Variants in SYNPO2 observed in about 807,000 individuals in gnomAD.
The protein encoded by SYNPO2 is synaptopodin-2.
SYNPO2 carries 56 observed loss-of-function variants against 85.0 expected under a neutral mutation model. The observed-to-expected ratio is 0.66, with a 90% CI of 0.53 to 0.82. SYNPO2 has a LOEUF of 0.82. SYNPO2 is among the 40% of genes least tolerant of loss of function. SYNPO2 has a pLI of 0.00. For missense variants in SYNPO2, 1,575 were observed against 1,534.2 expected (o/e 1.03, Z -0.44); for synonymous variants, 602 against 591.1 (o/e 1.02, Z -0.27).
chr4:118,945,754 T>G (rs967009820), intron 1 of SYNPO2, among the ~76,000 whole-genome samples: 20 of 149,350 alleles, frequency 1.3e-4, no homozygotes, highest in South Asian at 4.4e-4. Context: ...TTTTATTTTT[T>G]GTTTTTTTTT....
At chr4:119,035,901 A>G (rs540916671) in intron 4 of SYNPO2, 5 of 985,132 alleles carry the variant, frequency 5.1e-6, no homozygotes, top group Non-Finnish European at 6.0e-6. Flanking sequence ...TTGCAGTTAC[A>G]AGGTTAAAGA....
intron 1 of SYNPO2, chr4:118,851,013 C>T (rs1731411783): frequency 2.5e-6 from 1 of 398,414 alleles, no homozygotes. Context: ...TCATTATTGC[C>T]TGCGAATATC....
intron 1 of SYNPO2, among the ~76,000 whole-genome samples, chr4:118,898,572 C>A (rs562806822): frequency 1.6e-4 from 25 of 152,284 alleles, no homozygotes; most frequent in Admixed American, 1.4e-3. Flanking sequence ...AATATTCCTA[C>A]AATCATTTTT....
intron 1 of SYNPO2, among the ~76,000 whole-genome samples, chr4:118,858,196 A>T (rs1365548): frequency 0.88 from 134,324 of 152,166 alleles, 59,411 homozygotes; most frequent in Middle Eastern, 0.94. Context: ...CTTTGGCTAA[A>T]TCTGGGTATG....
intron 1 of SYNPO2, among the ~76,000 whole-genome samples, chr4:119,010,022 T>A (rs902059939): frequency 2.6e-5 from 4 of 152,226 alleles, no homozygotes; most frequent in African/African-American, 7.2e-5. Flanking sequence ...TTTGTAAGGT[T>A]ACACCTGTCA....
rs1578520864 is a variant in SYNPO2, at chr4:118,888,992, G to C, written c.-45G>C. The C allele has an allele frequency of 5.0e-6, 8 of 1,600,252 alleles. No individual in the cohort carries two copies. The East Asian group carries it at 1.8e-4, about 36-fold the overall frequency. On this transcript the variant is annotated 5_prime_UTR_variant, in exon 1 of 5. Coordinates refer to ENST00000307142, the MANE Select transcript of SYNPO2 (RefSeq NM_133477.3). ...GCATCCTCTACCGCACCCAAGCTTC[G>C]TCTGTCTCGTCAAGCTCTTCATGCT...
chr4:118,897,312 C>T (rs1732582181), intron 1 of SYNPO2, among the ~76,000 whole-genome samples: 1 of 152,146 alleles, frequency 6.6e-6, no homozygotes, highest in Non-Finnish European at 1.5e-5. Flanking sequence ...CACCAGTTCC[C>T]TCCCTCAACA....
chr4:118,911,323 G>A (rs1426355031), intron 1 of SYNPO2, among the ~76,000 whole-genome samples: 3 of 152,138 alleles, frequency 2.0e-5, no homozygotes, highest in Non-Finnish European at 4.4e-5. Flanking sequence ...ATAACTGCAT[G>A]AACTGCCTTG....
At chr4:118,915,832 A>G (rs1462742064) in intron 1 of SYNPO2, among the ~76,000 whole-genome samples, 1 of 152,062 alleles carries the variant, frequency 6.6e-6, no homozygotes, top group East Asian at 1.9e-4. Flanking sequence ...ACAACTTCTT[A>G]ATGCTTCATT....
chr4:118,940,426 A>G (rs1484986622), intron 1 of SYNPO2, among the ~76,000 whole-genome samples: 1 of 152,206 alleles, frequency 6.6e-6, no homozygotes, highest in Non-Finnish European at 1.5e-5. Flanking sequence ...CTTCTGAAAT[A>G]AGAGTAAACT....
intron 1 of SYNPO2, among the ~76,000 whole-genome samples, chr4:119,007,144 T>TCA (rs1222218495): frequency 1.8e-4 from 26 of 141,968 alleles, no homozygotes; most frequent in African/African-American, 5.1e-4. Flanking sequence ...TCTCTGTCTC[T>TCA]CACACACACA....
At chr4:119,052,824 G>A (rs1369337755) in intron 4 of SYNPO2, among the ~76,000 whole-genome samples, 1 of 152,176 alleles carries the variant, frequency 6.6e-6, no homozygotes, top group Non-Finnish European at 1.5e-5. Flanking sequence ...TAAGCAAAAT[G>A]TCCCAGGATC....
chr4:119,000,352 C>G (rs984174773), intron 1 of SYNPO2, among the ~76,000 whole-genome samples: 1 of 152,144 alleles, frequency 6.6e-6, no homozygotes, highest in Non-Finnish European at 1.5e-5. Flanking sequence ...TCTCCTTTCA[C>G]TCTTTCTTTG....
At chr4:118,881,611 G>A (rs1343750615) in intron 1 of SYNPO2, among the ~76,000 whole-genome samples, 1 of 152,242 alleles carries the variant, frequency 6.6e-6, no homozygotes, top group African/African-American at 2.4e-5. Flanking sequence ...TTGCTGGGGA[G>A]CGTCCCCTTA....
chr4:119,038,643 A>C, intron 4 of SYNPO2: 3 of 837,922 alleles, frequency 3.6e-6, no homozygotes, highest in Non-Finnish European at 4.3e-6. Flanking sequence ...AAGGCATTTC[A>C]ACAAGAATAA....
intron 1 of SYNPO2, among the ~76,000 whole-genome samples, chr4:118,869,837 T>C (rs1242565264): frequency 6.6e-6 from 1 of 152,230 alleles, no homozygotes; most frequent in East Asian, 1.9e-4. Flanking sequence ...CACGGTTACC[T>C]TGCTCATTTC....
At chr4:118,904,127 A>G (rs1179048663) in intron 1 of SYNPO2, among the ~76,000 whole-genome samples, 2 of 152,222 alleles carry the variant, frequency 1.3e-5, no homozygotes, top group Non-Finnish European at 2.9e-5. Context: ...TTTGTGCCTC[A>G]GTTTCCTCAT....
chr4:118,922,901 A>T (rs1375846385), intron 1 of SYNPO2, among the ~76,000 whole-genome samples: 1 of 152,166 alleles, frequency 6.6e-6, no homozygotes, highest in Non-Finnish European at 1.5e-5. Flanking sequence ...TATCATCCAT[A>T]TAGTATAGTT....
intron 1 of SYNPO2, among the ~76,000 whole-genome samples, chr4:118,907,999 A>G (rs1320687751): frequency 6.6e-6 from 1 of 152,316 alleles, no homozygotes; most frequent in East Asian, 1.9e-4. Flanking sequence ...TATACATTAT[A>G]TAGATTGACC....
Sources: gnomAD v4.1 joint callset for allele counts (sites outside exome capture counted in the v4.1 genomes callset) on GRCh38, gnomAD v4.1.1 for gene constraint, MANE v1.5 for transcripts, NCBI Gene and HGNC (gene_info 2026-07-23, HGNC 2026-07-21) for gene names.